Variants in IL18R1 observed in about 807,000 individuals in gnomAD.
IL18R1 encodes interleukin-18 receptor 1.
IL18R1 carries 40 observed loss-of-function variants against 48.5 expected under a neutral mutation model. The ratio of observed to expected loss-of-function variants is 0.82; its 90% CI spans 0.64 to 1.07. IL18R1 has a LOEUF of 1.07. Ranked by LOEUF, IL18R1 falls within the 50% of genes least tolerant of loss-of-function variation. IL18R1 has a pLI of 0.00. For synonymous variants in IL18R1, 232 were observed against 225.9 expected (o/e 1.03, Z -0.24); for missense variants, 596 against 633.7 (o/e 0.94, Z 0.64).
At position 102,397,620 on chromosome 2, in the gene IL18R1, G is replaced by A. The variant is rs1333155194; in HGVS notation, c.*734G>A. ...GTTAATTATCTGGGCCTTTCACTTT[G>A]GATGCTCTGAAACATTTGTTGATTT... On this transcript the variant is annotated 3_prime_UTR_variant, in exon 11 of 11. Transcript: ENST00000233957. The A allele has an allele frequency of 6.6e-6, 1 of 152,330 alleles. No individual in the cohort carries two copies. Among genetic ancestry groups the A allele is most frequent in the East Asian group, 1.9e-4 (1 of 5,338 alleles). 9.4% of individuals were successfully genotyped at this position (152,330 alleles called of 1,614,324 possible).
At chr2:102,392,387 T>C (rs1427831931) in intron 9 of IL18R1, among the ~76,000 whole-genome samples, 2 of 152,246 alleles carry the variant, frequency 1.3e-5, no homozygotes, top group African/African-American at 2.4e-5. Flanking sequence ...TCTTTCTGAC[T>C]TTCTGGAGCT....
intron 3 of IL18R1, 39 bp downstream of exon 3, chr2:102,368,107 C>T (rs763543159): frequency 2.7e-5 from 44 of 1,608,528 alleles, no homozygotes; most frequent in Admixed American, 3.3e-5. Flanking sequence ...TTTCACAGCC[C>T]TCTTGTCCTT....
intron 5 of IL18R1, among the ~76,000 whole-genome samples, 167 bp from the exon 6 acceptor site, chr2:102,381,453 C>T (rs1016536881): frequency 6.6e-6 from 1 of 152,156 alleles, no homozygotes; most frequent in African/African-American, 2.4e-5. Flanking sequence ...ATACAAGGTG[C>T]TTTCAACATC....
chr2:102,380,633 A>G (rs931706469), intron 5 of IL18R1, among the ~76,000 whole-genome samples: 1 of 152,128 alleles, frequency 6.6e-6, no homozygotes, highest in Non-Finnish European at 1.5e-5. Flanking sequence ...TCTTGCTCAC[A>G]TATCTGCCCA....
chr2:102,360,094 C>G (rs980359134), intron 1 of IL18R1, among the ~76,000 whole-genome samples: 1 of 152,134 alleles, frequency 6.6e-6, no homozygotes, highest in African/African-American at 2.4e-5. Context: ...TCCTGGCTTA[C>G]CTGTGAAGAT....
intron 2 of IL18R1, 30 bp from the exon 3 acceptor site, chr2:102,367,795 T>C (rs1678994130): frequency 6.3e-7 from 1 of 1,578,474 alleles, no homozygotes; most frequent in Admixed American, 1.8e-5. Context: ...TTTTTGTTTT[T>C]ATTTATTTTA....
chr2:102,371,803 C>T (rs11465605), intron 3 of IL18R1, 150 bp from the exon 4 acceptor site: 13 of 565,094 alleles, frequency 2.3e-5, no homozygotes, highest in Non-Finnish European at 4.1e-5. Context: ...CTGAATCAAG[C>T]GGAGGCAGAG....
intron 8 of IL18R1, 63 bp downstream of exon 8, chr2:102,387,063 A>G: frequency 6.6e-7 from 1 of 1,520,736 alleles, no homozygotes; most frequent in African/African-American, 1.4e-5. Flanking sequence ...AGACATTTCA[A>G]AGATGGCCAC....
chr2:102,388,175 G>C (rs1680350341), intron 8 of IL18R1, among the ~76,000 whole-genome samples: 1 of 152,152 alleles, frequency 6.6e-6, no homozygotes, highest in African/African-American at 2.4e-5. Flanking sequence ...GGGCTATCCT[G>C]GTGCCCAGGG....
chr2:102,391,258 C>G (rs1203986228), intron 9 of IL18R1, among the ~76,000 whole-genome samples: 1 of 152,156 alleles, frequency 6.6e-6, no homozygotes, highest in East Asian at 1.9e-4. Flanking sequence ...GGTCCTGGAT[C>G]TATGATTCCC....
At chr2:102,395,382 A>G (rs1406267636) in intron 10 of IL18R1, among the ~76,000 whole-genome samples, 1 of 152,096 alleles carries the variant, frequency 6.6e-6, no homozygotes, top group African/African-American at 2.4e-5. Flanking sequence ...ACCATCATTC[A>G]TGTATTAATC....
At chr2:102,371,915 G>A (rs1280503648) in intron 3 of IL18R1, 38 bp from the exon 4 acceptor site, 4 of 1,222,572 alleles carry the variant, frequency 3.3e-6, no homozygotes, top group Non-Finnish European at 4.6e-6. Flanking sequence ...CAAAGTTTCT[G>A]TAGCATTATA....
At chr2:102,394,354 A>G (rs1326181699) in intron 9 of IL18R1, 115 bp from the exon 10 acceptor site, 6 of 742,140 alleles carry the variant, frequency 8.1e-6, no homozygotes, top group Non-Finnish European at 1.0e-5. Context: ...ACAACTTTAT[A>G]TATAATTTGT....
chr2:102,362,611 T>C, intron 1 of IL18R1, 22 bp from the exon 2 acceptor site: 1 of 1,512,886 alleles, frequency 6.6e-7, no homozygotes, highest in Non-Finnish European at 9.0e-7. Context: ...TTTGGCTGAA[T>C]CTGTTTTATT....
At chr2:102,372,488 C>A (rs1421044830) in intron 4 of IL18R1, among the ~76,000 whole-genome samples, 1 of 152,068 alleles carries the variant, frequency 6.6e-6, no homozygotes, top group Non-Finnish European at 1.5e-5. Flanking sequence ...ATATGTTTTT[C>A]TGAATATATT....
chr2:102,390,305 A>G, intron 9 of IL18R1, 88 bp downstream of exon 9: 1 of 1,201,332 alleles, frequency 8.3e-7, no homozygotes, highest in Non-Finnish European at 1.2e-6. Context: ...TATTGTGATG[A>G]TATTGTAGAA....
At chr2:102,383,585 T>A (rs1401762477) in intron 6 of IL18R1, among the ~76,000 whole-genome samples, 5 of 152,194 alleles carry the variant, frequency 3.3e-5, no homozygotes, top group Non-Finnish European at 5.9e-5. Context: ...TATGAAATAA[T>A]CACACAAGTT....
rs536009344 is a variant in IL18R1 at position 102,369,857 on chromosome 2, A to G, written c.302+1789A>G. 5.9e-5 allele frequency among the ~76,000 whole-genome samples: 9 copies of G among 152,350 alleles called. No individual in the cohort carries two copies. The South Asian group carries it at 1.9e-3, about 32-fold the overall frequency. Reference sequence around the variant, plus strand: ...TTAATCCTGCAGTGAAAATCACTTTATCCCACCAAATTTTAAGAACGAAAT... The same window carrying G: ...TTAATCCTGCAGTGAAAATCACTTTGTCCCACCAAATTTTAAGAACGAAAT... On this transcript the variant is annotated intron_variant, in intron 3 of 10. Coordinates refer to ENST00000233957, the MANE Select transcript of IL18R1 (RefSeq NM_003855.5).
At chr2:102,363,001 C>A in intron 2 of IL18R1, 1 of 239,288 alleles carries the variant, frequency 4.2e-6, no homozygotes. Flanking sequence ...CTTTCTCCTT[C>A]CTGAGAGGGA....
Sources: allele counts gnomAD v4.1 joint callset (sites outside exome capture counted in the v4.1 genomes callset), GRCh38; gene constraint gnomAD v4.1.1; transcripts MANE v1.5; gene names NCBI Gene and HGNC (gene_info 2026-07-23, HGNC 2026-07-21).